ZNF571: variants seen among roughly 807,000 people sequenced by gnomAD.
ZNF571 encodes the protein zinc finger protein 571.
A neutral mutation model predicts 7.7 loss-of-function variants in ZNF571; 4 were observed. The observed-to-expected ratio is 0.52, with a 90% CI of 0.25 to 1.18. The LOEUF is 1.18. Ranked by LOEUF, ZNF571 falls within the 50% of genes most tolerant of loss-of-function variation. The pLI is 0.14. For synonymous variants in ZNF571, 251 were observed against 232.4 expected (o/e 1.08, Z -0.73); for missense variants, 704 against 726.9 (o/e 0.97, Z 0.36).
rs184986976 is a variant in ZNF571 at position 37,571,556 on chromosome 19, A to C, written c.137-5265T>G. On this transcript the variant is annotated intron_variant, in intron 3 of 3. Coordinates refer to ENST00000451802, the MANE Select transcript of ZNF571 (RefSeq NM_016536.5). ...CTATGAACAAATCCATAGCCAAACC[A>C]TACACAAGGTTCCCCAACTTATGAT... Among the ~76,000 whole-genome samples the C allele has an allele frequency of 2.1e-4, 32 of 152,262 alleles. 1 individual carries two copies. Among genetic ancestry groups the C allele is most frequent in the Non-Finnish European group, 1.5e-5 (1 of 68,014 alleles).
At position 37,566,133 on chromosome 19, in the gene ZNF571, G is replaced by C; in HGVS notation, c.295C>G (p.Gln99Glu). The change falls in exon 4 of 4, where the codon CAA becomes GAA. Residue 99 changes from glutamine (Q) to glutamate (E), a missense_variant. By Grantham distance (29) the Gln-to-Glu change is conservative (BLOSUM62 2). Transcript: ENST00000451802. ...TAAAGCCCTTCCTGACTTGCTTCTT[G>C]ACCCTCTAAGTTGCCTTTGCACTCC... ...NMECKGNLEG[Q>E]EASQEGLYMC... The C allele has an allele frequency of 6.2e-7, 1 of 1,613,956 alleles. No homozygotes were observed. Among genetic ancestry groups the C allele is most frequent in the Non-Finnish European group, 8.5e-7 (1 of 1,179,906 alleles).
intron 3 of ZNF571, 24 bp from the exon 4 acceptor site, chr19:37,566,315 T>C (rs1217043983): frequency 6.4e-7 from 1 of 1,565,820 alleles, no homozygotes; most frequent in Non-Finnish European, 8.6e-7. Flanking sequence ...AGAAAGCAAA[T>C]TCCTGCTTTT....
At chr19:37,587,407 A>G (rs993931282) in intron 1 of ZNF571, 5 of 152,224 alleles carry the variant, frequency 3.3e-5, no homozygotes, top group Non-Finnish European at 7.3e-5. Flanking sequence ...AACAAAACAA[A>G]CTATTTTAAC....
Position 37,565,177 on chromosome 19 carries a change from C to T in ZNF571, c.1251G>A (p.Lys417=), listed in dbSNP as rs764829714. ...IQHQRIHTGE[K]PYKCKECGKA... is the part of the protein sequence containing the mutation. ...TTCCACATTCCTTACATTTGTAGGGCTTCTCTCCGGTATGAATTCTTTGAT... is the reference window on the plus strand; with the variant it reads ...TTCCACATTCCTTACATTTGTAGGGTTTCTCTCCGGTATGAATTCTTTGAT... The change falls in exon 4 of 4, where the codon AAG becomes AAA. Residue 417 remains lysine (K), a synonymous_variant. Transcript: ENST00000451802. 7 of 1,611,684 alleles carry T rather than the reference C, an allele frequency of 4.3e-6. No homozygotes were observed. The African/African-American group carries it at 8.1e-5, about 19-fold the overall frequency.
intron 3 of ZNF571, among the ~76,000 whole-genome samples, chr19:37,581,242 A>G (rs1034332799): frequency 6.6e-6 from 1 of 152,134 alleles, no homozygotes. Flanking sequence ...CCTACCCCCA[A>G]TTGCCAAATC....
At chr19:37,573,514 C>T (rs2043136801) in intron 3 of ZNF571, among the ~76,000 whole-genome samples, 1 of 152,114 alleles carries the variant, frequency 6.6e-6, no homozygotes, top group Admixed American at 6.6e-5. Flanking sequence ...CTTATTAATA[C>T]ACTTTTATCT....
chr19:37,592,156 G>T (rs1316167906), intron 1 of ZNF571, among the ~76,000 whole-genome samples: 2 of 152,082 alleles, frequency 1.3e-5, no homozygotes, highest in Non-Finnish European at 2.9e-5. Flanking sequence ...TACTCGGGAG[G>T]TTGAGGCAGA....
chr19:37,586,833 T>G (rs1263867841), intron 1 of ZNF571, 88 bp from the exon 2 acceptor site: 1 of 765,904 alleles, frequency 1.3e-6, no homozygotes, highest in Admixed American at 2.7e-5. Flanking sequence ...TCTCCTCTTT[T>G]GGGAATTTGG....
chr19:37,586,364 C>A, intron 2 of ZNF571: 1 of 337,766 alleles, frequency 3.0e-6, no homozygotes, highest in Admixed American at 4.8e-5. Flanking sequence ...CTCACCAAAC[C>A]GTGGTACTAA....
At chr19:37,586,367 G>T in intron 2 of ZNF571, 1 of 348,516 alleles carries the variant, frequency 2.9e-6, no homozygotes, top group East Asian at 4.9e-5. Flanking sequence ...ACCAAACCGT[G>T]GTACTAATGT....
At position 37,566,247 on chromosome 19, in the gene ZNF571, C is replaced by A; in HGVS notation, c.181G>T (p.Glu61Ter). ...TGGAGTGATTCCATTTCATAAATTT[C>A]CTTTTCTGGAGATAACTTTTTGGTC... is the stretch of plus-strand genomic sequence containing the variant. Reference protein sequence around the residue: ...CVTKKLSPEKEIYEMESLQWE... With the variant: ...CVTKKLSPEK Residue 61 changes from glutamate (E) to a stop codon, truncating the protein, a stop_gained, in exon 4 of 4, where the codon GAA becomes TAA. Transcript: ENST00000451802. LOFTEE classifies it low-confidence loss of function (END_TRUNC). The A allele has an allele frequency of 1.2e-6, 2 of 1,613,366 alleles. No individual in the cohort carries two copies. Among genetic ancestry groups the A allele is most frequent in the Middle Eastern group, 1.7e-4 (1 of 6,058 alleles).
intron 1 of ZNF571, 169 bp from the exon 2 acceptor site, chr19:37,586,914 C>A: frequency 3.6e-6 from 2 of 551,822 alleles, no homozygotes; most frequent in South Asian, 4.9e-5. Context: ...CAGACCTTTC[C>A]TTAATGTCCA....
intron 3 of ZNF571, among the ~76,000 whole-genome samples, chr19:37,581,472 T>C (rs1348850831): frequency 1.3e-5 from 2 of 151,174 alleles, no homozygotes; most frequent in African/African-American, 2.4e-5. Flanking sequence ...CTTTCTTTTT[T>C]TTTTTTTTTT....
In ZNF571 at chr19:37,564,708, TAAGTTCTGAGCCACG is replaced by T; in HGVS notation, c.1705_1719del (p.Arg569_Leu573del). The stretch of plus-strand genomic sequence containing the variant: ...CCAGTATGGATCCTTTGATGCAGAG[TAAGTTCTGAGCCACG>T]ACTAAAGGCCCTCCCACATTCCTTA... On this transcript the variant is annotated inframe_deletion, in exon 4 of 4. Coordinates refer to ENST00000451802, the MANE Select transcript of ZNF571 (RefSeq NM_016536.5). 1 of 1,613,602 alleles carries T rather than the reference TAAGTTCTGAGCCACG, an allele frequency of 6.2e-7. No individual in the cohort carries two copies. Among genetic ancestry groups the T allele is most frequent in the South Asian group, 1.1e-5 (1 of 91,072 alleles).
At chr19:37,583,908 T>C in intron 3 of ZNF571, 63 bp downstream of exon 3, 1 of 1,513,560 alleles carries the variant, frequency 6.6e-7, no homozygotes, top group South Asian at 1.3e-5. Context: ...GATCAGAAAT[T>C]CACAATGAAT....
chr19:37,571,075 T>C (rs1207944470), intron 3 of ZNF571, among the ~76,000 whole-genome samples: 1 of 152,230 alleles, frequency 6.6e-6, no homozygotes, highest in Non-Finnish European at 1.5e-5. Flanking sequence ...AATCACTCAT[T>C]GTGTATTCAT....
chr19:37,579,034 G>A (rs1022195539), intron 3 of ZNF571, among the ~76,000 whole-genome samples: 7 of 151,128 alleles, frequency 4.6e-5, no homozygotes, highest in East Asian at 3.9e-4. Flanking sequence ...CAGCACAGCC[G>A]CCCTGCCCCC....
At chr19:37,573,597 C>T (rs2043139410) in intron 3 of ZNF571, among the ~76,000 whole-genome samples, 2 of 150,124 alleles carry the variant, frequency 1.3e-5, no homozygotes, top group South Asian at 4.2e-4. Flanking sequence ...GAGGCTGAGT[C>T]AGGAGGATCG....
chr19:37,566,395 T>C, intron 3 of ZNF571, 104 bp from the exon 4 acceptor site: 2 of 1,313,276 alleles, frequency 1.5e-6, no homozygotes, highest in Non-Finnish European at 1.0e-6. Flanking sequence ...AAGAATAGAA[T>C]GGCTTAAACA....
Sources: gnomAD v4.1 joint callset for allele counts (sites outside exome capture counted in the v4.1 genomes callset) on GRCh38, gnomAD v4.1.1 for gene constraint, MANE v1.5 for transcripts, NCBI Gene and HGNC (gene_info 2026-07-23, HGNC 2026-07-21) for gene names.